Variants in RHBDF1 observed in about 807,000 individuals in gnomAD.
RHBDF1 encodes the protein inactive rhomboid protein 1.
RHBDF1 carries 80 observed loss-of-function variants against 98.6 expected under a neutral mutation model. That is an observed-to-expected ratio of 0.81 (90% CI 0.68 to 0.98). RHBDF1 has a LOEUF of 0.98. RHBDF1 is among the 50% of genes least tolerant of loss of function. The pLI is 0.00. For missense variants in RHBDF1, 1,116 were observed against 1,198.3 expected (o/e 0.93, Z 1.01); for synonymous variants, 512 against 486.8 (o/e 1.05, Z -0.68).
rs778124855 is a variant in RHBDF1, at chr16:60,497, C to T, written c.1600G>A (p.Ala534Thr). ...VWVKWPIHPS[A>T]PELAGHKRQF... is the part of the protein sequence containing the mutation. Reference sequence around the variant, plus strand: ...CTCTTGTGGCCCGCAAGCTCTGGGGCGCTGGGATGGATGGGCCACTTCACC... The same window carrying T: ...CTCTTGTGGCCCGCAAGCTCTGGGGTGCTGGGATGGATGGGCCACTTCACC... The change falls in exon 12 of 18, where the codon GCC (alanine) becomes ACC (threonine). Residue 534 changes from alanine to threonine, a missense_variant. By Grantham distance (58) the Ala-to-Thr change is moderately conservative (BLOSUM62 0). Transcript: ENST00000262316. 1.6e-5 allele frequency: 25 copies of T among 1,611,138 alleles called. No homozygotes were observed. Among genetic ancestry groups the T allele is most frequent in the African/African-American group, 4.0e-5 (3 of 74,864 alleles).
Position 58,401 on chromosome 16 carries a change from G to A in RHBDF1, c.2507C>T (p.Thr836Ile), listed in dbSNP as rs1021913112. The change falls in exon 18 of 18, where the codon ACC becomes ATC. Residue 836 changes from threonine to isoleucine, a missense_variant. By Grantham distance (89) the Thr-to-Ile change is moderately conservative. Transcript: ENST00000262316. Reference sequence around the variant, plus strand: ...GAACTTGTCAGTGAAGGGGATGCAGGTGAGGAACTCACACCACTCACAGCG... The same window carrying A: ...GAACTTGTCAGTGAAGGGGATGCAGATGAGGAACTCACACCACTCACAGCG... ...PVRCEWCEFL[T>I]CIPFTDKFCE... The A allele has an allele frequency of 1.9e-6, 3 of 1,613,800 alleles. No homozygotes were observed. The highest frequency in any genetic ancestry group is 2.5e-6 in the Non-Finnish European group (3 of 1,180,026).
Position 60,180 on chromosome 16 carries a change from G to A in RHBDF1, c.1722+36C>T, listed in dbSNP as rs79769056. 4.7e-3 allele frequency: 7,531 copies of A among 1,613,436 alleles called. 228 individuals carry two copies. The African/African-American group carries it at 0.075, about 16-fold the overall frequency. On this transcript the variant is annotated intron_variant, in intron 13 of 17. Transcript: ENST00000262316. The stretch of plus-strand genomic sequence containing the variant: ...TGTGGCATTCTCTCCCACATGACAC[G>A]GAGGGCTCCCTAACAACCCCCCCAC...
Position 63,587 on chromosome 16 carries a change from C to T in RHBDF1, c.462G>A (p.Lys154=). The stretch of plus-strand genomic sequence containing the variant: ...AGGAGGCAGCAACAGGCAGGCATAC[C>T]TTCTGCATGCCCAGCTGGCATGGCC... ...YVGPCQLGMQ[K]IIDPLARGRA... is the part of the protein sequence containing the mutation. The change falls in exon 4 of 18, where the codon AAG becomes AAA. Residue 154 remains lysine, a splice_region_variant and synonymous_variant. Transcript: ENST00000262316. The T allele has an allele frequency of 6.5e-7, 1 of 1,546,538 alleles. No individual in the cohort carries two copies. The highest frequency in any genetic ancestry group is 1.9e-5 in the Admixed American group (1 of 51,828).
intron 1 of RHBDF1, among the ~76,000 whole-genome samples, chr16:67,621 T>C (rs1193835804): frequency 6.6e-6 from 1 of 152,208 alleles, no homozygotes; most frequent in African/African-American, 2.4e-5. Context: ...ACCTGCAGCC[T>C]CAGGCTGCCC....
intron 7 of RHBDF1, 82 bp from the exon 8 acceptor site, chr16:62,134 T>A: frequency 7.0e-7 from 1 of 1,423,728 alleles, no homozygotes; most frequent in Non-Finnish European, 9.2e-7. Context: ...GGGCACCCTG[T>A]CTCTATCCTG....
At chr16:70,027 C>A (rs971428662) in intron 1 of RHBDF1, among the ~76,000 whole-genome samples, 1 of 151,950 alleles carries the variant, frequency 6.6e-6, no homozygotes. Flanking sequence ...GGGGGCACTG[C>A]CCCAAGGCTC....
At chr16:68,018 A>G (rs779274021) in intron 1 of RHBDF1, among the ~76,000 whole-genome samples, 8 of 151,190 alleles carry the variant, frequency 5.3e-5, no homozygotes, top group African/African-American at 9.7e-5. Context: ...GGACTGTCTC[A>G]GCCGGGGACC....
At position 62,643 on chromosome 16, in the gene RHBDF1, G is replaced by A. The variant is rs1053067744; in HGVS notation, c.848C>T (p.Ser283Phe). 6 of 1,614,102 alleles carry A rather than the reference G, an allele frequency of 3.7e-6. No individual in the cohort carries two copies. Among genetic ancestry groups the A allele is most frequent in the Non-Finnish European group, 5.1e-6 (6 of 1,180,036 alleles). ...GTCCTTTAGCGCTGCCTCCGATGGG[G>A]ACTCGAAAACTTCATCCGGGTATGT... ...LSTYPDEVFE[S>F]PSEAALKDWE... Residue 283 changes from serine to phenylalanine, a missense_variant, in exon 7 of 18, where the codon TCC (serine) becomes TTC (phenylalanine). Physicochemically the swap from Ser to Phe is radical, Grantham distance 155. Transcript: ENST00000262316.
intron 3 of RHBDF1, 108 bp downstream of exon 3, chr16:64,591 A>G (rs1446290678): frequency 3.9e-6 from 6 of 1,539,020 alleles, no homozygotes; most frequent in Non-Finnish European, 5.2e-6. Context: ...ATGGAGGAGG[A>G]AGCTGAAACA....
At chr16:69,953 G>T (rs1407437919) in intron 1 of RHBDF1, among the ~76,000 whole-genome samples, 1 of 149,378 alleles carries the variant, frequency 6.7e-6, no homozygotes, top group African/African-American at 2.4e-5. Context: ...GTAGACACAG[G>T]AATCCCTGAG....
chr16:66,396 T>C (rs2141861331), intron 1 of RHBDF1, among the ~76,000 whole-genome samples: 1 of 152,234 alleles, frequency 6.6e-6, no homozygotes, highest in African/African-American at 2.4e-5. Context: ...CGGTCATATA[T>C]GGAGGGCAGC....
chr16:58,232 G>T lies in RHBDF1; in HGVS notation c.*108C>A. On this transcript the variant is annotated 3_prime_UTR_variant, in exon 18 of 18. Transcript: ENST00000262316. ...AAAGAGGTCTGTGTTCAGGAAACAGGCCAGTCCCCACATGGAGCAGGTGAC... is the reference window on the plus strand; with the variant it reads ...AAAGAGGTCTGTGTTCAGGAAACAGTCCAGTCCCCACATGGAGCAGGTGAC... 1 of 1,073,352 alleles carries T rather than the reference G, an allele frequency of 9.3e-7. No individual in the cohort carries two copies. Among genetic ancestry groups the T allele is most frequent in the Non-Finnish European group, 1.3e-6 (1 of 744,958 alleles). The allele number at this position is 1,073,352 out of a possible 1,614,324, so 66.5% of individuals were successfully genotyped here.
At chr16:65,069 G>T in intron 1 of RHBDF1, 30 bp from the exon 2 acceptor site, 1 of 1,484,998 alleles carries the variant, frequency 6.7e-7, no homozygotes, top group South Asian at 1.4e-5. Flanking sequence ...ATTCAATAAT[G>T]ACAAAGCTGA....
rs755574409 is a variant in RHBDF1 at position 62,866 on chromosome 16, C to A, written c.704G>T (p.Arg235Leu). The A allele has an allele frequency of 6.2e-7, 1 of 1,613,790 alleles. No individual in the cohort carries two copies. Among genetic ancestry groups the A allele is most frequent in the African/African-American group, 1.3e-5 (1 of 74,936 alleles). Residue 235 changes from arginine to leucine, a missense_variant, in exon 6 of 18, where the codon CGG becomes CTG. Arg to Leu is a moderately radical substitution (Grantham distance 102). Coordinates refer to ENST00000262316, the MANE Select transcript of RHBDF1 (RefSeq NM_022450.5). ...GRSVRDGTFR[R>L]AQRRSFTPAS... is the part of the protein sequence containing the mutation. The stretch of plus-strand genomic sequence containing the variant: ...TGGAGTGAAGCTTCGACGCTGTGCC[C>A]GGCGAAAGGTGCCATCCCTAACGGA...
chr16:66,401 G>A (rs1459482418), intron 1 of RHBDF1, among the ~76,000 whole-genome samples: 1 of 152,140 alleles, frequency 6.6e-6, no homozygotes, highest in African/African-American at 2.4e-5. Context: ...ATATATGGAG[G>A]GCAGCACAAT....
In RHBDF1 at chr16:64,722, C is replaced by T. The variant is rs760277372; in HGVS notation, c.225G>A (p.Thr75=). The T allele has an allele frequency of 1.5e-5, 25 of 1,612,912 alleles. No individual in the cohort carries two copies. Among genetic ancestry groups the T allele is most frequent in the East Asian group, 2.2e-5 (1 of 44,880 alleles). The change falls in exon 3 of 18, where the codon ACG becomes ACA. Residue 75 remains threonine, a synonymous_variant. Coordinates refer to ENST00000262316, the MANE Select transcript of RHBDF1 (RefSeq NM_022450.5). ...ACCTGCGGATGGTCTGTGTGATGGA[C>T]GTCTGGCGTTGCAGCACCGGCCGCC... is the stretch of plus-strand genomic sequence containing the variant. The part of the protein sequence containing the change: ...ELRRPVLQRQ[T]SITQTIRRGT...
Position 61,250 on chromosome 16 carries a change from G to A in RHBDF1, c.1427C>T (p.Ser476Leu). The A allele has an allele frequency of 6.5e-7, 1 of 1,545,144 alleles. No homozygotes were observed. Among genetic ancestry groups the A allele is most frequent in the Non-Finnish European group, 8.7e-7 (1 of 1,144,264 alleles). ...CTGCGGGTCCTGGCGCATGCAGGGC[G>A]AAAACTTGGCGCCCAGGTGGATGAG... The part of the protein sequence containing the change: ...EALIHLGAKF[S>L]PCMRQDPQVH... The change falls in exon 11 of 18, where the codon TCG becomes TTG. Residue 476 changes from serine to leucine, a missense_variant. By Grantham distance (145) the Ser-to-Leu change is moderately radical. Coordinates refer to ENST00000262316, the MANE Select transcript of RHBDF1 (RefSeq NM_022450.5).
Position 60,296 on chromosome 16 carries a change from T to G in RHBDF1, c.1659-17A>C, listed in dbSNP as rs372371952. On this transcript the variant is annotated splice_polypyrimidine_tract_variant and intron_variant, in intron 12 of 17. Transcript: ENST00000262316. The stretch of plus-strand genomic sequence containing the variant: ...TCACACACCCTGCATGAGCCAAGTA[T>G]GTGGTCAGACCGGCTTCGAGCCCCT... The G allele has an allele frequency of 6.2e-7, 1 of 1,613,952 alleles. No individual in the cohort carries two copies. The highest frequency in any genetic ancestry group is 1.7e-5 in the Admixed American group (1 of 60,010).
intron 4 of RHBDF1, 72 bp from the exon 5 acceptor site, chr16:63,254 T>C: frequency 2.3e-6 from 3 of 1,305,382 alleles, no homozygotes; most frequent in Middle Eastern, 5.2e-4. Flanking sequence ...ACAGAGGCCT[T>C]GCAAAGACAG....
Sources: allele counts gnomAD v4.1 joint callset (sites outside exome capture counted in the v4.1 genomes callset), GRCh38; gene constraint gnomAD v4.1.1; transcripts MANE v1.5; gene names NCBI Gene and HGNC (gene_info 2026-07-23, HGNC 2026-07-21).